CCDC92: variants seen among roughly 807,000 people sequenced by gnomAD.
The protein encoded by CCDC92 is coiled-coil domain-containing protein 92.
CCDC92 carries 12 observed loss-of-function variants against 24.9 expected under a neutral mutation model. That is an observed-to-expected ratio of 0.48 (90% CI 0.31 to 0.78). CCDC92 has a LOEUF of 0.78. CCDC92 is among the 30% of genes least tolerant of loss of function. The probability of loss-of-function intolerance (pLI) is 0.05; values close to 1 mark genes in which losing one functional copy is unlikely to be tolerated. For synonymous variants in CCDC92, 193 were observed against 196.3 expected (o/e 0.98, Z 0.14); for missense variants, 399 against 439.4 (o/e 0.91, Z 0.82).
chr12:123,958,328 C>G (rs891198371), intron 1 of CCDC92, among the ~76,000 whole-genome samples: 1 of 152,208 alleles, frequency 6.6e-6, no homozygotes, highest in Non-Finnish European at 1.5e-5. Context: ...GCTGGGATTA[C>G]AGGCATGAGC....
Position 123,937,254 on chromosome 12 carries a change from G to T in CCDC92, c.800C>A (p.Pro267His), listed in dbSNP as rs371367334. 9.3e-6 allele frequency: 15 copies of T among 1,611,346 alleles called. No individual in the cohort carries two copies. The highest frequency in any genetic ancestry group is 2.2e-5 in the East Asian group (1 of 44,878). Residue 267 changes from proline (P) to histidine (H), a missense_variant, in exon 5 of 5, where the codon CCC becomes CAC. Pro to His is a moderately conservative substitution (Grantham distance 77). Coordinates refer to ENST00000238156, the MANE Select transcript of CCDC92 (RefSeq NM_025140.3). This position sits in a 1 kb window ranked among gnomAD's most constrained non-coding sequence, Gnocchi z 8.4. ...CTCGCCGCTTCGGTCGGAGGCGATG[G>T]GGGGGATGACGAGGGGCCTCTCTTT... ...LIKERPLVIP[P>H]IASDRSGEQH...
intron 1 of CCDC92, among the ~76,000 whole-genome samples, chr12:123,965,295 A>G (rs773705082): frequency 3.3e-5 from 5 of 152,224 alleles, no homozygotes; most frequent in Non-Finnish European, 5.9e-5. Context: ...GACAAGACTA[A>G]CCACTCACAG....
chr12:123,942,304 C>T (rs376034050), intron 4 of CCDC92, among the ~76,000 whole-genome samples: 3 of 152,306 alleles, frequency 2.0e-5, no homozygotes, highest in South Asian at 4.1e-4. Context: ...ACCACTCGCC[C>T]GCCAGCATTT....
At chr12:123,945,316 C>T (rs542477201) in intron 1 of CCDC92, 4 of 152,280 alleles carry the variant, frequency 2.6e-5, no homozygotes, top group African/African-American at 4.8e-5. Context: ...TCCCCGAAAC[C>T]GTCTCTGTGC....
intron 1 of CCDC92, among the ~76,000 whole-genome samples, chr12:123,953,912 C>T (rs949523222): frequency 2.6e-5 from 4 of 151,630 alleles, no homozygotes; most frequent in Admixed American, 1.3e-4. Context: ...GCCGAGATCT[C>T]GCCACTGCAC....
intron 1 of CCDC92, among the ~76,000 whole-genome samples, chr12:123,964,002 CG>C (rs1206711064): frequency 6.6e-6 from 1 of 152,050 alleles, no homozygotes; most frequent in Non-Finnish European, 1.5e-5. Flanking sequence ...GCTTTCCAGG[CG>C]GGAGAAATGA....
At chr12:123,959,339 GAGTC>G (rs1956221650) in intron 1 of CCDC92, among the ~76,000 whole-genome samples, 1 of 151,806 alleles carries the variant, frequency 6.6e-6, no homozygotes, top group South Asian at 2.1e-4. Context: ...TTTTGAGATG[GAGTC>G]TCACTTTGTT....
intron 1 of CCDC92, among the ~76,000 whole-genome samples, chr12:123,955,640 T>G (rs1231604432): frequency 1.3e-5 from 2 of 152,152 alleles, no homozygotes; most frequent in Non-Finnish European, 2.9e-5. Flanking sequence ...TAATTGAAGC[T>G]CTATACACCT....
At chr12:123,940,748 G>A (rs1341406458) in intron 4 of CCDC92, among the ~76,000 whole-genome samples, 2 of 152,192 alleles carry the variant, frequency 1.3e-5, no homozygotes, top group South Asian at 2.1e-4. Flanking sequence ...GCACTGCAAC[G>A]CTTCTAAACC....
chr12:123,969,863 A>G (rs1769503728), intron 1 of CCDC92: 1 of 152,210 alleles, frequency 6.6e-6, no homozygotes, highest in South Asian at 2.1e-4. Context: ...AGCTTTAAAA[A>G]AAGTCTTTTC....
At chr12:123,953,451 G>T (rs560217229) in intron 1 of CCDC92, among the ~76,000 whole-genome samples, 7 of 152,194 alleles carry the variant, frequency 4.6e-5, no homozygotes, top group African/African-American at 1.7e-4. Flanking sequence ...TCACATTTTT[G>T]ATATGTGTAG....
intron 2 of CCDC92, 117 bp downstream of exon 2, chr12:123,944,155 G>A: frequency 2.7e-6 from 2 of 735,068 alleles, no homozygotes; most frequent in Non-Finnish European, 4.9e-6. Context: ...GAAGGTCTGA[G>A]AACGTATCTC....
chr12:123,967,808 A>G (rs1170510806), intron 1 of CCDC92, among the ~76,000 whole-genome samples: 1 of 152,260 alleles, frequency 6.6e-6, no homozygotes, highest in Non-Finnish European at 1.5e-5. Flanking sequence ...GTAGTGTTTA[A>G]TGCTTAAACA....
Position 123,936,076 on chromosome 12 carries a change from A to G in CCDC92, c.*982T>C, listed in dbSNP as rs899425656. 6.6e-6 allele frequency: 1 copy of G among 152,598 alleles called. No individual in the cohort carries two copies. Among genetic ancestry groups the G allele is most frequent in the African/African-American group, 2.4e-5 (1 of 41,458 alleles). 9.5% of individuals were successfully genotyped at this position (152,598 alleles called of 1,614,324 possible). On this transcript the variant is annotated 3_prime_UTR_variant, in exon 5 of 5. Transcript: ENST00000238156. ...TGGGTCTGTGTGGGGTCAGGTAAGG[A>G]CACAGAACCTCCAGGACCAGTGGTC...
At chr12:123,953,172 G>A (rs1956067099) in intron 1 of CCDC92, among the ~76,000 whole-genome samples, 1 of 151,824 alleles carries the variant, frequency 6.6e-6, no homozygotes, top group African/African-American at 2.4e-5. Flanking sequence ...CCCTATTCCT[G>A]GCTAAGCAGC....
At chr12:123,949,049 A>G (rs1287954410) in intron 1 of CCDC92, among the ~76,000 whole-genome samples, 1 of 152,194 alleles carries the variant, frequency 6.6e-6, no homozygotes, top group Non-Finnish European at 1.5e-5. Context: ...TTAATTCAGT[A>G]TCAGAGATGC....
intron 1 of CCDC92, among the ~76,000 whole-genome samples, chr12:123,955,463 C>G (rs887849101): frequency 2.6e-5 from 4 of 152,176 alleles, no homozygotes; most frequent in African/African-American, 7.2e-5. Context: ...CAATCTAAAC[C>G]AAGGTCCTAG....
chr12:123,944,101 C>A, intron 2 of CCDC92, 171 bp downstream of exon 2: 1 of 574,042 alleles, frequency 1.7e-6, no homozygotes. Context: ...GAGGGAAGCC[C>A]CCTGCACTTC....
At chr12:123,971,402 A>T (rs1010591722) in intron 1 of CCDC92, 1 of 150,912 alleles carries the variant, frequency 6.6e-6, no homozygotes, top group Non-Finnish European at 1.5e-5. Context: ...GAGAAAATGC[A>T]TGGGAATTCT....
Sources: gnomAD v4.1 joint callset for allele counts (sites outside exome capture counted in the v4.1 genomes callset) on GRCh38, gnomAD v4.1.1 for gene constraint, Gnocchi (gnomAD v3.1) non-coding constraint, MANE v1.5 for transcripts, NCBI Gene and HGNC (gene_info 2026-07-23, HGNC 2026-07-21) for gene names.